Variants in NPAS3 observed in about 807,000 individuals in gnomAD.
NPAS3 encodes the protein neuronal PAS domain protein 3.
Under a neutral mutation model 73.1 loss-of-function variants are expected in NPAS3, and 14 were observed. The ratio of observed to expected loss-of-function variants is 0.19; its 90% CI spans 0.13 to 0.30. The LOEUF is 0.30. Among genes scored for constraint, NPAS3 ranks in the 10% least tolerant of loss-of-function variants. The probability of loss-of-function intolerance (pLI) is 1.00; values close to 1 mark genes in which losing one functional copy is unlikely to be tolerated. For missense variants in NPAS3, 1,096 were observed against 1,250.0 expected (o/e 0.88, Z 1.86); for synonymous variants, 620 against 541.5 (o/e 1.14, Z -2.01).
intron 5 of NPAS3, among the ~76,000 whole-genome samples, chr14:33,601,459 C>T (rs2057396794): frequency 6.6e-6 from 1 of 152,184 alleles, no homozygotes; most frequent in South Asian, 2.1e-4. Context: ...TTTCTTCCCT[C>T]AACTTTAAAA....
Position 33,663,425 on chromosome 14 carries a change from C to T in NPAS3, c.559-12786C>T, listed in dbSNP as rs544855504. Among the ~76,000 whole-genome samples the T allele has an allele frequency of 2.6e-5, 4 of 152,242 alleles. No individual in the cohort carries two copies. In the East Asian group the frequency reaches 7.7e-4, roughly 29 times the overall value. ...ATCCCAGGGATGAAGCCAACTTGAT[C>T]TTGGTGGATAAGCTTTTTGATGTGC... On this transcript the variant is annotated intron_variant, in intron 5 of 11. Transcript: ENST00000356141.
At chr14:33,752,447 T>C (rs1271013568) in intron 7 of NPAS3, among the ~76,000 whole-genome samples, 1 of 152,166 alleles carries the variant, frequency 6.6e-6, no homozygotes, top group Non-Finnish European at 1.5e-5. Flanking sequence ...CCCAATTGAC[T>C]CTTGGCTCTT....
At chr14:33,296,581 T>C (rs2042308040) in intron 3 of NPAS3, among the ~76,000 whole-genome samples, 1 of 152,222 alleles carries the variant, frequency 6.6e-6, no homozygotes, top group Admixed American at 6.5e-5. Flanking sequence ...ACCACCACTA[T>C]ATCACAATTA....
At chr14:33,671,363 T>C (rs1408755059) in intron 5 of NPAS3, among the ~76,000 whole-genome samples, 2 of 152,202 alleles carry the variant, frequency 1.3e-5, no homozygotes, top group Non-Finnish European at 2.9e-5. Flanking sequence ...CTCAAACCAC[T>C]GTACAATATA....
At chr14:32,998,937 G>C (rs2038691760) in intron 1 of NPAS3, among the ~76,000 whole-genome samples, 4 of 152,092 alleles carry the variant, frequency 2.6e-5, no homozygotes. Context: ...ACTGTGCTGA[G>C]GGTTGTGGTG....
chr14:33,366,997 G>C (rs556358950), intron 3 of NPAS3, among the ~76,000 whole-genome samples, 189 bp from the exon 4 acceptor site: 43 of 152,030 alleles, frequency 2.8e-4, no homozygotes, highest in African/African-American at 1.0e-3. Flanking sequence ...CGATATTTTA[G>C]GTTGAAAATT....
Position 33,800,625 on chromosome 14 carries a change from CG to C in NPAS3, c.2324del (p.Gly775AlafsTer35). On this transcript the variant is annotated frameshift_variant, in exon 12 of 12. Transcript: ENST00000356141. LOFTEE classifies it high-confidence loss of function. The surrounding 1 kb of genome is among the most constrained non-coding windows in gnomAD (Gnocchi z 6.5). ...GGGGGCGGGGGCGGGGGCGGCGGCGCGGGGGGCGGCGGCCCCAGCGCGTCCA... is the reference window on the plus strand; with the variant it reads ...GGGGGCGGGGGCGGGGGCGGCGGCGCGGGGGCGGCGGCCCCAGCGCGTCCA... The C allele has an allele frequency of 2.2e-6, 3 of 1,371,000 alleles. No individual in the cohort carries two copies. The highest frequency in any genetic ancestry group is 1.8e-5 in the South Asian group (1 of 54,458). 84.9% of individuals were successfully genotyped at this position (1,371,000 alleles called of 1,614,324 possible).
At chr14:33,663,046 T>C (rs890299001) in intron 5 of NPAS3, among the ~76,000 whole-genome samples, 1 of 152,024 alleles carries the variant, frequency 6.6e-6, no homozygotes, top group Non-Finnish European at 1.5e-5. Context: ...ACTTCCTCTC[T>C]TCCTATTTGA....
At chr14:33,783,578 T>A (rs2063048001) in intron 9 of NPAS3, among the ~76,000 whole-genome samples, 1 of 133,380 alleles carries the variant, frequency 7.5e-6, no homozygotes, top group Non-Finnish European at 1.6e-5. Context: ...TTATTTTGTC[T>A]TAGTTTTTTG....
chr14:33,638,564 TGTC>T (rs1285559198), intron 5 of NPAS3, among the ~76,000 whole-genome samples: 9 of 152,236 alleles, frequency 5.9e-5, no homozygotes, highest in African/African-American at 1.9e-4. Context: ...GTCTAGTACA[TGTC>T]GTACACATAT....
intron 4 of NPAS3, among the ~76,000 whole-genome samples, chr14:33,503,373 C>T (rs2052608283): frequency 6.6e-6 from 1 of 151,800 alleles, no homozygotes; most frequent in African/African-American, 2.4e-5. Context: ...ATGTTCATGC[C>T]ATTGAATGGT....
chr14:33,023,556 A>G (rs570494724), intron 1 of NPAS3, among the ~76,000 whole-genome samples: 34 of 152,332 alleles, frequency 2.2e-4, no homozygotes, highest in African/African-American at 8.2e-4. Context: ...TGCATTATAA[A>G]GGTGGATTGA....
rs777299726 is a variant in NPAS3 at position 33,367,168 on chromosome 14, CTTTCTTTTTCTTTT to C, written c.386-17_386-4del. 2.4e-6 allele frequency: 2 copies of C among 833,170 alleles called. No individual in the cohort carries two copies. The highest frequency in any genetic ancestry group is 1.5e-5 in the South Asian group (1 of 68,808). 51.6% of individuals were successfully genotyped at this position (833,170 alleles called of 1,614,324 possible). On this transcript the variant is annotated splice_polypyrimidine_tract_variant and splice_region_variant and intron_variant, in intron 3 of 11. Coordinates refer to ENST00000356141, the Ensembl canonical transcript of NPAS3. The stretch of plus-strand genomic sequence containing the variant: ...CCAACTTAATTGTTCTGTTTTCTTT[CTTTCTTTTTCTTTT>C]AAGTTATAGGTGCACAGCGAAGGAG...
chr14:33,783,501 A>G (rs1354936680), intron 9 of NPAS3, among the ~76,000 whole-genome samples: 1 of 150,818 alleles, frequency 6.6e-6, no homozygotes, highest in African/African-American at 2.4e-5. Flanking sequence ...GTGCCTGGCC[A>G]TTAACCGAAA....
chr14:33,278,727 GAAAGT>G (rs978472778), intron 3 of NPAS3, among the ~76,000 whole-genome samples: 2 of 152,204 alleles, frequency 1.3e-5, no homozygotes, highest in East Asian at 1.9e-4. Flanking sequence ...ACAAAAAAAG[GAAAGT>G]AAACAGATTT....
intron 4 of NPAS3, among the ~76,000 whole-genome samples, chr14:33,457,465 G>A (rs1007113212): frequency 3.3e-5 from 5 of 152,210 alleles, no homozygotes; most frequent in African/African-American, 1.2e-4. Flanking sequence ...CTTGAAATGT[G>A]TATTTCTCTT....
rs182766889 is a variant in NPAS3 at position 33,336,372 on chromosome 14, A to G, written c.386-30814A>G. 6.6e-5 allele frequency among the ~76,000 whole-genome samples: 10 copies of G among 152,284 alleles called. No homozygotes were observed. The East Asian group carries it at 7.7e-4, about 12-fold the overall frequency. On this transcript the variant is annotated intron_variant, in intron 3 of 11. Coordinates refer to ENST00000356141, the Ensembl canonical transcript of NPAS3. ...GCTCACTGGTTGTTGACAGAAATCA[A>G]TTCCTTGATTTTGTAGGACAGAAGT...
chr14:33,703,480 C>T (rs1254089259), intron 6 of NPAS3, among the ~76,000 whole-genome samples: 1 of 152,134 alleles, frequency 6.6e-6, no homozygotes, highest in African/African-American at 2.4e-5. Context: ...GGCGACAGAG[C>T]AAGACCCTGT....
intron 1 of NPAS3, among the ~76,000 whole-genome samples, chr14:33,040,888 C>T (rs1034460872): frequency 2.0e-5 from 3 of 152,112 alleles, no homozygotes; most frequent in African/African-American, 7.2e-5. Flanking sequence ...GATGTTTTTC[C>T]CCCAAGCACC....
Sources: allele counts gnomAD v4.1 joint callset (sites outside exome capture counted in the v4.1 genomes callset), GRCh38; gene constraint gnomAD v4.1.1; non-coding constraint Gnocchi (gnomAD v3.1); transcripts MANE v1.5; gene names NCBI Gene and HGNC (gene_info 2026-07-23, HGNC 2026-07-21).